KCNN2: variants seen among roughly 807,000 people sequenced by gnomAD.
KCNN2 encodes potassium calcium-activated channel subfamily N member 2, also known as small conductance calcium-activated potassium channel protein 2.
A neutral mutation model predicts 55.5 loss-of-function variants in KCNN2; 24 were observed. The ratio of observed to expected loss-of-function variants is 0.43; its 90% CI spans 0.31 to 0.61. KCNN2 has a LOEUF of 0.61. Among genes scored for constraint, KCNN2 ranks in the 20% least tolerant of loss-of-function variants. The probability of loss-of-function intolerance (pLI) is 0.08; values close to 1 mark genes in which losing one functional copy is unlikely to be tolerated. For synonymous variants in KCNN2, 431 were observed against 336.1 expected (o/e 1.28, Z -3.09); for missense variants, 754 against 853.6 (o/e 0.88, Z 1.45).
chr5:114,356,010 C>T (rs374271317), intron 2 of KCNN2, among the ~76,000 whole-genome samples: 111 of 152,120 alleles, frequency 7.3e-4, no homozygotes, highest in East Asian at 2.5e-3. Flanking sequence ...ATCAGAGAAA[C>T]GAAAAAGCCA....
At chr5:114,428,116 T>A (rs1759682684) in intron 3 of KCNN2, among the ~76,000 whole-genome samples, 1 of 152,236 alleles carries the variant, frequency 6.6e-6, no homozygotes, top group African/African-American at 2.4e-5. Context: ...TCTCTCTTCC[T>A]CTGTTTATAT....
chr5:114,137,731 G>T (rs1752202401), intron 1 of KCNN2, among the ~76,000 whole-genome samples: 1 of 152,012 alleles, frequency 6.6e-6, no homozygotes, highest in South Asian at 2.1e-4. Flanking sequence ...CTCCAATAAT[G>T]TTAAGGAGGT....
intron 1 of KCNN2, among the ~76,000 whole-genome samples, chr5:114,156,340 A>T (rs113086158): frequency 0.13 from 19,037 of 151,900 alleles, 1,688 homozygotes; most frequent in East Asian, 0.52. Flanking sequence ...TGTTCTTTTT[A>T]CTTGGCCTTG....
chr5:114,193,291 T>G (rs1296141412), intron 1 of KCNN2, among the ~76,000 whole-genome samples: 1 of 152,132 alleles, frequency 6.6e-6, no homozygotes, highest in Non-Finnish European at 1.5e-5. Flanking sequence ...ACTCCAGTCA[T>G]GCTTTATGTT....
intron 3 of KCNN2, among the ~76,000 whole-genome samples, chr5:114,432,743 G>C (rs1759838971): frequency 6.6e-6 from 1 of 152,202 alleles, no homozygotes; most frequent in East Asian, 1.9e-4. Flanking sequence ...GGAGTTCCGG[G>C]TGGGCGTGGG....
chr5:114,325,783 G>C (rs1005599551), intron 2 of KCNN2, among the ~76,000 whole-genome samples: 1 of 152,200 alleles, frequency 6.6e-6, no homozygotes, highest in African/African-American at 2.4e-5. Context: ...GGTCTGGGGT[G>C]CACTGGAATT....
At position 114,162,003 on chromosome 5, in the gene KCNN2, A is replaced by T. The variant is rs551814336; in HGVS notation, c.-270-59477A>T. On this transcript the variant is annotated intron_variant, in intron 1 of 10. Transcript: ENST00000512097. ...TTCTGAAGCCTTCTTCTCTCAGCTCATGAAAGTCATTCTCTGTCCAGCTTT... is the reference window on the plus strand; with the variant it reads ...TTCTGAAGCCTTCTTCTCTCAGCTCTTGAAAGTCATTCTCTGTCCAGCTTT... Among the ~76,000 whole-genome samples the T allele has an allele frequency of 3.9e-5, 6 of 152,290 alleles. No homozygotes were observed. The East Asian group carries it at 1.2e-3, about 29-fold the overall frequency.
At chr5:114,388,851 A>C (rs756032726) in intron 2 of KCNN2, among the ~76,000 whole-genome samples, 2 of 152,156 alleles carry the variant, frequency 1.3e-5, no homozygotes, top group African/African-American at 2.4e-5. Flanking sequence ...ATATTTCTAA[A>C]ATTTAGACAT....
intron 6 of KCNN2, among the ~76,000 whole-genome samples, chr5:114,487,916 G>T (rs1413445188): frequency 6.6e-6 from 1 of 152,114 alleles, no homozygotes; most frequent in Non-Finnish European, 1.5e-5. Context: ...GCTCAGAAAA[G>T]TAGCTTTCCT....
chr5:114,072,520 C>G (rs1023792068), intron 1 of KCNN2, among the ~76,000 whole-genome samples: 2 of 152,060 alleles, frequency 1.3e-5, no homozygotes, highest in African/African-American at 4.8e-5. Flanking sequence ...TACTTTTAAG[C>G]AAAGTAAAAG....
chr5:114,146,137 C>T (rs779659690), intron 1 of KCNN2, among the ~76,000 whole-genome samples: 1 of 152,048 alleles, frequency 6.6e-6, no homozygotes, highest in Non-Finnish European at 1.5e-5. Context: ...CATCTTTCCA[C>T]CATACTTCCC....
Position 114,329,866 on chromosome 5 carries a change from G to C in KCNN2, c.-184-31079G>C, listed in dbSNP as rs140396610. Among the ~76,000 whole-genome samples, 134 of 152,220 alleles carry C rather than the reference G, an allele frequency of 8.8e-4. 1 individual carries two copies. In the East Asian group the frequency reaches 0.017, roughly 20 times the overall value. On this transcript the variant is annotated intron_variant, in intron 2 of 10. Coordinates refer to the KCNN2 transcript ENST00000512097. ...CTACTGCTTCTTTGCTGGGCCTGGT[G>C]GCCCTGATGCTGCTGTGTCATGCTC... is the stretch of plus-strand genomic sequence containing the variant.
At chr5:114,417,867 A>G (rs994181338) in intron 3 of KCNN2, among the ~76,000 whole-genome samples, 3 of 152,204 alleles carry the variant, frequency 2.0e-5, no homozygotes, top group East Asian at 1.9e-4. Context: ...TAAAAGGTGT[A>G]TTTGATACCA....
intron 2 of KCNN2, among the ~76,000 whole-genome samples, chr5:114,280,009 G>C (rs1207093559): frequency 6.6e-6 from 1 of 152,260 alleles, no homozygotes; most frequent in Admixed American, 6.5e-5. Context: ...GTGTAAGATG[G>C]TATCTCACTG....
rs116570763 is a variant in KCNN2, at chr5:114,256,179, C to T, written c.-185+34614C>T. 8.2e-3 allele frequency among the ~76,000 whole-genome samples: 1,249 copies of T among 152,082 alleles called. 12 individuals carry two copies. The highest frequency in any genetic ancestry group is 0.029 in the African/African-American group (1,190 of 41,484). On this transcript the variant is annotated intron_variant, in intron 2 of 10. Transcript: ENST00000512097. ...CATGTTGTTAAAAAAGATGTGACTT[C>T]GTTATTTTTCATGGCTGAGTAGGAT...
chr5:114,215,748 C>T (rs1204618223), intron 1 of KCNN2, among the ~76,000 whole-genome samples: 4 of 152,110 alleles, frequency 2.6e-5, no homozygotes, highest in Non-Finnish European at 5.9e-5. Context: ...ATGAACATCA[C>T]CTGTAGCCTC....
At chr5:114,223,699 G>T (rs1197661711) in intron 2 of KCNN2, among the ~76,000 whole-genome samples, 3 of 152,148 alleles carry the variant, frequency 2.0e-5, no homozygotes, top group South Asian at 2.1e-4. Flanking sequence ...CATCTATAAG[G>T]CTGGGGAATA....
chr5:114,178,187 T>C (rs890365270), intron 1 of KCNN2, among the ~76,000 whole-genome samples: 1 of 152,206 alleles, frequency 6.6e-6, no homozygotes, highest in Non-Finnish European at 1.5e-5. Context: ...AAGAAATGTA[T>C]AGACTTCCCA....
At chr5:114,369,166 G>T (rs746435503) in intron 2 of KCNN2, among the ~76,000 whole-genome samples, 6 of 152,050 alleles carry the variant, frequency 3.9e-5, no homozygotes, top group African/African-American at 1.4e-4. Flanking sequence ...TTTCTCACAC[G>T]TTATTCCTCC....
Sources: allele counts gnomAD v4.1 joint callset (sites outside exome capture counted in the v4.1 genomes callset), GRCh38; gene constraint gnomAD v4.1.1; transcripts MANE v1.5; gene names NCBI Gene and HGNC (gene_info 2026-07-23, HGNC 2026-07-21).